The following FNBP1L variants were observed in gnomAD, a reference collection of about 807,000 sequenced individuals.
FNBP1L encodes the protein formin-binding protein 1-like.
Under a neutral mutation model 91.2 loss-of-function variants are expected in FNBP1L, and 36 were observed. The observed-to-expected ratio is 0.39, with a 90% CI of 0.30 to 0.52. The LOEUF (loss-of-function observed/expected upper bound fraction) is 0.52, where lower values mean the gene tolerates loss of function less well. Ranked by LOEUF, FNBP1L falls within the 20% of genes least tolerant of loss-of-function variation. FNBP1L has a pLI of 0.66. For missense variants in FNBP1L, 571 were observed against 732.1 expected (o/e 0.78, Z 2.54); for synonymous variants, 242 against 237.0 (o/e 1.02, Z -0.19).
chr1:93,550,217 T>C (rs935693300), intron 15 of FNBP1L, among the ~76,000 whole-genome samples: 1 of 152,170 alleles, frequency 6.6e-6, no homozygotes, highest in Non-Finnish European at 1.5e-5. Context: ...AGTGCAGTGA[T>C]GTGTGCCTAT....
Position 93,529,698 on chromosome 1 carries a change from A to C in FNBP1L, c.452A>C (p.Gln151Pro). ...ERECREAEKA[Q>P]QSYERLDNDT... is the part of the protein sequence containing the mutation. The stretch of plus-strand genomic sequence containing the variant: ...GAATGTAGAGAGGCAGAAAAGGCAC[A>C]ACAGAGTTATGAAAGATTGGATAAT... Residue 151 changes from glutamine (Q) to proline (P), a missense_variant, in exon 6 of 17, where the codon CAA becomes CCA. Gln to Pro is a moderately conservative substitution (Grantham distance 76). Around this residue, in one of 5 missense-constraint regions of FNBP1L, gnomAD observed 220 missense variants for 313.6 expected, o/e 0.70. Coordinates refer to ENST00000271234, the MANE Select transcript of FNBP1L (RefSeq NM_001164473.3). The C allele has an allele frequency of 6.6e-7, 1 of 1,526,160 alleles. No homozygotes were observed. The highest frequency in any genetic ancestry group is 8.8e-7 in the Non-Finnish European group (1 of 1,140,008). The allele number at this position is 1,526,160 out of a possible 1,614,324, so 94.5% of individuals were successfully genotyped here. A position where few individuals can be genotyped will look rare whatever the true frequency, so the allele number is the denominator to read the frequency against.
chr1:93,533,127 T>G, intron 8 of FNBP1L, 59 bp downstream of exon 8: 19 of 1,495,880 alleles, frequency 1.3e-5, no homozygotes, highest in Non-Finnish European at 1.7e-5. Context: ...GCAGTTTAAG[T>G]TAGTGAAATG....
chr1:93,471,347 C>T (rs1318519832), intron 1 of FNBP1L, among the ~76,000 whole-genome samples: 1 of 152,096 alleles, frequency 6.6e-6, no homozygotes, highest in African/African-American at 2.4e-5. Context: ...GTTAAAGCTA[C>T]ATTTTTGTTT....
intron 1 of FNBP1L, among the ~76,000 whole-genome samples, chr1:93,472,793 C>T (rs1341956589): frequency 9.3e-6 from 1 of 107,146 alleles, no homozygotes; most frequent in East Asian, 3.2e-4. Context: ...GCCTGGGCGA[C>T]AGAGCAAGAC....
intron 2 of FNBP1L, among the ~76,000 whole-genome samples, chr1:93,520,390 G>A (rs1051672181): frequency 3.3e-5 from 5 of 152,272 alleles, no homozygotes; most frequent in Admixed American, 6.5e-5. Context: ...AATTGTTTGC[G>A]ATGATGGACC....
At chr1:93,469,114 C>T (rs1235960228) in intron 1 of FNBP1L, among the ~76,000 whole-genome samples, 2 of 151,634 alleles carry the variant, frequency 1.3e-5, no homozygotes, top group African/African-American at 4.9e-5. Context: ...ACTTTAAGTT[C>T]TAGGGTACAT....
intron 12 of FNBP1L, among the ~76,000 whole-genome samples, chr1:93,545,559 C>T (rs1216448570): frequency 3.3e-5 from 5 of 152,070 alleles, no homozygotes; most frequent in African/African-American, 1.2e-4. Flanking sequence ...ATTCTGAATG[C>T]TTTTCTGTGA....
At chr1:93,501,572 G>A (rs1199990583) in intron 2 of FNBP1L, among the ~76,000 whole-genome samples, 3 of 152,024 alleles carry the variant, frequency 2.0e-5, no homozygotes, top group East Asian at 1.9e-4. Context: ...CCATGAGGGC[G>A]GATCCCTCAT....
At chr1:93,499,727 TTAA>T in intron 2 of FNBP1L, 144 bp downstream of exon 2, 2 of 588,372 alleles carry the variant, frequency 3.4e-6, no homozygotes, top group Non-Finnish European at 6.0e-6. Flanking sequence ...GTTTTAATGA[TTAA>T]TTAAGTCATT....
intron 11 of FNBP1L, among the ~76,000 whole-genome samples, chr1:93,542,137 C>G (rs1557819404): frequency 6.6e-6 from 1 of 151,762 alleles, no homozygotes; most frequent in Non-Finnish European, 1.5e-5. Context: ...GTTTTCAAAA[C>G]TTGTACTCCT....
At chr1:93,537,061 T>C (rs1054795288) in intron 10 of FNBP1L, among the ~76,000 whole-genome samples, 1 of 152,076 alleles carries the variant, frequency 6.6e-6, no homozygotes, top group East Asian at 1.9e-4. Context: ...AAATACTAGA[T>C]ATCACTGAGT....
intron 6 of FNBP1L, among the ~76,000 whole-genome samples, chr1:93,530,332 ATGTTTT>A (rs1456343869): frequency 2.0e-5 from 3 of 152,138 alleles, no homozygotes; most frequent in Non-Finnish European, 4.4e-5. Flanking sequence ...TGGATCATAA[ATGTTTT>A]ACTGTTAACT....
At chr1:93,450,214 T>A (rs1244880067) in intron 1 of FNBP1L, among the ~76,000 whole-genome samples, 3 of 152,194 alleles carry the variant, frequency 2.0e-5, no homozygotes, top group Non-Finnish European at 4.4e-5. Context: ...ACGATTCCAT[T>A]CCTCTACTGT....
intron 10 of FNBP1L, among the ~76,000 whole-genome samples, chr1:93,539,369 AT>A (rs1161707436): frequency 6.6e-6 from 1 of 151,880 alleles, no homozygotes; most frequent in African/African-American, 2.4e-5. Context: ...AGAATAAGAT[AT>A]TTTTGTATGG....
At chr1:93,500,255 A>T (rs1670402971) in intron 2 of FNBP1L, among the ~76,000 whole-genome samples, 1 of 152,168 alleles carries the variant, frequency 6.6e-6, no homozygotes, top group Non-Finnish European at 1.5e-5. Context: ...GGCATACATG[A>T]CTACAAAGTC....
chr1:93,464,402 A>T (rs1258052502), intron 1 of FNBP1L, among the ~76,000 whole-genome samples: 1 of 152,168 alleles, frequency 6.6e-6, no homozygotes, highest in Non-Finnish European at 1.5e-5. Context: ...TATTCTGAAA[A>T]TTGCCTCTAT....
At chr1:93,513,286 C>T (rs1466270998) in intron 2 of FNBP1L, among the ~76,000 whole-genome samples, 1 of 151,308 alleles carries the variant, frequency 6.6e-6, no homozygotes, top group African/African-American at 2.4e-5. Flanking sequence ...AATAGCTTAC[C>T]AACCAAAAAG....
At chr1:93,533,126 GTTAGTGAAATGA>G in intron 8 of FNBP1L, 58 bp downstream of exon 8, 1 of 1,506,520 alleles carries the variant, frequency 6.6e-7, no homozygotes, top group East Asian at 2.3e-5. Flanking sequence ...TGCAGTTTAA[GTTAGTGAAATGA>G]GTTGAGAAAG....
intron 1 of FNBP1L, among the ~76,000 whole-genome samples, chr1:93,494,163 T>C (rs1303093919): frequency 1.3e-5 from 2 of 152,224 alleles, no homozygotes; most frequent in African/African-American, 4.8e-5. Flanking sequence ...TAATTTGCTG[T>C]AATGACTTAC....
Sources: gnomAD v4.1 joint callset for allele counts (sites outside exome capture counted in the v4.1 genomes callset) on GRCh38, gnomAD v4.1.1 for gene constraint, gnomAD v4.1.1 regional missense constraint, MANE v1.5 for transcripts, NCBI Gene and HGNC (gene_info 2026-07-23, HGNC 2026-07-21) for gene names.